The following DLC1 variants were observed in gnomAD, a reference collection of about 807,000 sequenced individuals.
DLC1 encodes DLC1 Rho GTPase activating protein.
DLC1 carries 54 observed loss-of-function variants against 140.3 expected under a neutral mutation model. The ratio of observed to expected loss-of-function variants is 0.38; its 90% CI spans 0.31 to 0.48. The LOEUF (loss-of-function observed/expected upper bound fraction) is 0.48, where lower values mean the gene tolerates loss of function less well. Among genes scored for constraint, DLC1 ranks in the 20% least tolerant of loss-of-function variants. The pLI, the probability that DLC1 is intolerant of heterozygous loss-of-function variation, is 0.96. For missense variants in DLC1, 2,536 were observed against 1,907.0 expected, an observed-to-expected ratio of 1.33 and a Z score of -6.14; for synonymous variants, 986 against 728.1, an observed-to-expected ratio of 1.35 and a Z score of -5.70.
chr8:13,595,472 C>G (rs1805651743), intron 1 of DLC1, among the ~76,000 whole-genome samples: 1 of 151,822 alleles, frequency 6.6e-6, no homozygotes, highest in African/African-American at 2.4e-5. Flanking sequence ...AGAAATTTGA[C>G]AATGTGCCCC....
intron 1 of DLC1, 113 bp from the exon 2 acceptor site, chr8:13,500,309 G>A: frequency 2.5e-6 from 1 of 402,290 alleles, no homozygotes; most frequent in East Asian, 3.9e-5. Context: ...ATTTTATAAA[G>A]CTTCTGTTTA....
chr8:13,164,213 T>C (rs1477931679), intron 5 of DLC1, among the ~76,000 whole-genome samples: 2 of 151,960 alleles, frequency 1.3e-5, no homozygotes, highest in African/African-American at 4.8e-5. Context: ...AGGATAATCG[T>C]TTAAACCTGG....
Position 13,591,171 on chromosome 8 carries a change from A to G in DLC1, c.-126+13366T>C, listed in dbSNP as rs557904431. ...ATTTTAGGGAGATATTAAAAATAGA[A>G]TGGAAACAATCTTAAGTACTTTGAA... On this transcript the variant is annotated intron_variant, in intron 1 of 1. Coordinates refer to the DLC1 transcript ENST00000631382. 3.9e-5 allele frequency among the ~76,000 whole-genome samples: 6 copies of G among 152,244 alleles called. 1 individual carries two copies. The South Asian group carries it at 1.2e-3, about 32-fold the overall frequency.
At chr8:13,318,597 G>A (rs1832953539) in intron 4 of DLC1, among the ~76,000 whole-genome samples, 2 of 152,174 alleles carry the variant, frequency 1.3e-5, no homozygotes, top group South Asian at 4.1e-4. Context: ...AAAAAAGGAA[G>A]TTAGAAACTA....
chr8:13,106,130 G>C (rs1819545253), intron 7 of DLC1, among the ~76,000 whole-genome samples: 1 of 152,172 alleles, frequency 6.6e-6, no homozygotes, highest in Non-Finnish European at 1.5e-5. Context: ...AGGTTCAAGA[G>C]CTTCTCTGCA....
chr8:13,480,550 A>G (rs1028091950), intron 2 of DLC1, among the ~76,000 whole-genome samples: 1 of 152,174 alleles, frequency 6.6e-6, no homozygotes, highest in East Asian at 1.9e-4. Context: ...TCTTTATCCT[A>G]TAGGTGAAGC....
intron 2 of DLC1, among the ~76,000 whole-genome samples, chr8:13,415,511 T>A (rs1838013843): frequency 6.6e-6 from 1 of 151,828 alleles, no homozygotes; most frequent in African/African-American, 2.4e-5. Flanking sequence ...GCCATTCTCC[T>A]ACCTCAGCCT....
At chr8:13,191,648 T>C (rs1390796179) in intron 5 of DLC1, among the ~76,000 whole-genome samples, 5 of 152,126 alleles carry the variant, frequency 3.3e-5, no homozygotes, top group Admixed American at 1.3e-4. Context: ...TGAATCACAA[T>C]GTTAAATCAA....
intron 5 of DLC1, among the ~76,000 whole-genome samples, chr8:13,198,386 C>T (rs951400712): frequency 1.9e-4 from 29 of 152,276 alleles, no homozygotes; most frequent in African/African-American, 7.0e-4. Flanking sequence ...TATTACCTCT[C>T]CCAATTGAAC....
At chr8:13,208,687 G>T (rs1003793034) in intron 5 of DLC1, among the ~76,000 whole-genome samples, 5 of 151,296 alleles carry the variant, frequency 3.3e-5, no homozygotes, top group Non-Finnish European at 7.4e-5. Flanking sequence ...AAATTAAAAA[G>T]ATAATAGACA....
chr8:13,177,115 TTG>T, intron 5 of DLC1, among the ~76,000 whole-genome samples: 1 of 152,210 alleles, frequency 6.6e-6, no homozygotes, highest in African/African-American at 2.4e-5. Context: ...AAAATTTTAA[TTG>T]TTTATAGTTG....
At chr8:13,323,290 C>A (rs1006261743) in intron 4 of DLC1, among the ~76,000 whole-genome samples, 8 of 152,178 alleles carry the variant, frequency 5.3e-5, no homozygotes, top group Non-Finnish European at 1.0e-4. Context: ...TTATATACAT[C>A]TGTAAAACTA....
chr8:13,368,093 CA>C (rs2117104007), intron 4 of DLC1, among the ~76,000 whole-genome samples: 1 of 152,242 alleles, frequency 6.6e-6, no homozygotes, highest in Admixed American at 6.5e-5. Flanking sequence ...GTGTTCCAAA[CA>C]GCTGAATTTA....
At chr8:13,346,844 T>C (rs141634642) in intron 4 of DLC1, among the ~76,000 whole-genome samples, 231 of 152,326 alleles carry the variant, frequency 1.5e-3, no homozygotes, top group African/African-American at 5.2e-3. Context: ...GGAGGATATA[T>C]ATGAAAACCC....
At chr8:13,307,514 T>C (rs1463936794) in intron 4 of DLC1, among the ~76,000 whole-genome samples, 1 of 152,242 alleles carries the variant, frequency 6.6e-6, no homozygotes, top group Non-Finnish European at 1.5e-5. Context: ...AAACTATGTA[T>C]TAAATGTTAA....
intron 2 of DLC1, among the ~76,000 whole-genome samples, chr8:13,429,120 A>G (rs983891904): frequency 1.3e-5 from 2 of 152,196 alleles, no homozygotes; most frequent in Non-Finnish European, 2.9e-5. Flanking sequence ...TAAAATCTAC[A>G]TTCCTCAATG....
chr8:13,591,860 A>T (rs1315189836), intron 1 of DLC1, among the ~76,000 whole-genome samples: 2 of 152,150 alleles, frequency 1.3e-5, no homozygotes, highest in African/African-American at 4.8e-5. Context: ...GATGGAGGAA[A>T]TTAAACAAAG....
At chr8:13,472,043 A>G (rs1055134073) in intron 2 of DLC1, among the ~76,000 whole-genome samples, 17 of 152,246 alleles carry the variant, frequency 1.1e-4, no homozygotes, top group African/African-American at 4.1e-4. Flanking sequence ...GTTGTGTATC[A>G]GTTAAGATGG....
At chr8:13,488,987 G>A (rs1801106556) in intron 2 of DLC1, among the ~76,000 whole-genome samples, 1 of 151,832 alleles carries the variant, frequency 6.6e-6, no homozygotes, top group Non-Finnish European at 1.5e-5. Context: ...TGCTCTTGTT[G>A]CCCAGGCTGG....
Sources: allele counts gnomAD v4.1 joint callset (sites outside exome capture counted in the v4.1 genomes callset), GRCh38; gene constraint gnomAD v4.1.1; transcripts MANE v1.5; gene names NCBI Gene and HGNC (gene_info 2026-07-23, HGNC 2026-07-21).